Variants in RUNX1T1 observed in about 807,000 individuals in gnomAD.
RUNX1T1 encodes the protein protein CBFA2T1.
RUNX1T1 carries 4 observed loss-of-function variants against 62.8 expected under a neutral mutation model. That is an observed-to-expected ratio of 0.06 (90% confidence interval 0.03 to 0.15). The LOEUF (loss-of-function observed/expected upper bound fraction) is 0.15, where lower values mean the gene tolerates loss of function less well. Among genes scored for constraint, RUNX1T1 ranks in the 10% least tolerant of loss-of-function variants. The pLI is 1.00. For missense variants in RUNX1T1, 508 were observed against 754.3 expected (o/e 0.67, Z 3.82); for synonymous variants, 291 against 286.0 (o/e 1.02, Z -0.18).
At chr8:92,039,144 G>GT (rs71563486) in intron 1 of RUNX1T1, among the ~76,000 whole-genome samples, 33,738 of 137,016 alleles carry the variant, frequency 0.25, 4,320 homozygotes, top group African/African-American at 0.34. Context: ...TTTTGTTGTT[G>GT]TTTTTTTTTT....
At chr8:92,085,531 T>C (rs562916673) in intron 1 of RUNX1T1, among the ~76,000 whole-genome samples, 1 of 152,360 alleles carries the variant, frequency 6.6e-6, no homozygotes, top group Non-Finnish European at 1.5e-5. Flanking sequence ...AAAAGATTGA[T>C]TTCTTTATGC....
At chr8:92,061,462 T>A (rs1832021170) in intron 1 of RUNX1T1, among the ~76,000 whole-genome samples, 1 of 152,220 alleles carries the variant, frequency 6.6e-6, no homozygotes, top group Admixed American at 6.5e-5. Flanking sequence ...TTTTGTAAAT[T>A]GATTTTCCCC....
chr8:91,960,906 C>A (rs1163414583), intron 10 of RUNX1T1, among the ~76,000 whole-genome samples: 1 of 152,208 alleles, frequency 6.6e-6, no homozygotes, highest in Non-Finnish European at 1.5e-5. Context: ...AGAGATATAT[C>A]TGAGCAGAAG....
At chr8:92,066,933 A>C (rs1187978264), upstream of RUNX1T1, among the ~76,000 whole-genome samples, 1 of 152,226 alleles carries the variant, frequency 6.6e-6, no homozygotes, top group African/African-American at 2.4e-5. Context: ...TAAACAACTA[A>C]ACACATTTAC....
At chr8:92,026,936 T>C (rs1825297815) in intron 1 of RUNX1T1, among the ~76,000 whole-genome samples, 1 of 149,250 alleles carries the variant, frequency 6.7e-6, no homozygotes, top group African/African-American at 2.5e-5. Context: ...GCTGACACGG[T>C]GAAACCCTGT....
At chr8:92,081,577 ACTCT>A (rs1835278766) in intron 1 of RUNX1T1, among the ~76,000 whole-genome samples, 1 of 149,262 alleles carries the variant, frequency 6.7e-6, no homozygotes, top group Non-Finnish European at 1.5e-5. Context: ...TCTGGGAAAG[ACTCT>A]CTCTAGGGAA....
intron 5 of RUNX1T1, chr8:92,004,310 T>G (rs1424257622): frequency 1.3e-5 from 2 of 152,250 alleles, no homozygotes; most frequent in Non-Finnish European, 1.5e-5. Flanking sequence ...AAATTCTCCA[T>G]ATTTCAAAAA....
intron 9 of RUNX1T1, among the ~76,000 whole-genome samples, chr8:91,973,837 T>G (rs1813354672): frequency 6.6e-6 from 1 of 152,092 alleles, no homozygotes; most frequent in Admixed American, 6.5e-5. Context: ...ACTTTGTGGA[T>G]TTAATATACT....
chr8:92,090,032 T>G (rs753008370), intron 1 of RUNX1T1, among the ~76,000 whole-genome samples: 8 of 150,034 alleles, frequency 5.3e-5, no homozygotes, highest in Non-Finnish European at 1.0e-4. Context: ...CGTATGAGAG[T>G]TGGGAAGCCT....
At chr8:91,995,405 C>G (rs1304426463) in intron 5 of RUNX1T1, among the ~76,000 whole-genome samples, 1 of 152,112 alleles carries the variant, frequency 6.6e-6, no homozygotes, top group African/African-American at 2.4e-5. Context: ...GTCTTACTGT[C>G]CTATCCTGGG....
chr8:92,044,849 C>T (rs1774180593), intron 1 of RUNX1T1, among the ~76,000 whole-genome samples: 1 of 152,056 alleles, frequency 6.6e-6, no homozygotes, highest in Non-Finnish European at 1.5e-5. Context: ...ACTATATTAC[C>T]CTCCACCTGG....
intron 1 of RUNX1T1, among the ~76,000 whole-genome samples, chr8:92,056,545 G>A (rs565470887): frequency 4.0e-5 from 6 of 150,788 alleles, no homozygotes; most frequent in South Asian, 4.2e-4. Flanking sequence ...CTTTAAAAGC[G>A]AAATGTGGAA....
At chr8:92,030,629 C>T (rs560513855) in intron 1 of RUNX1T1, among the ~76,000 whole-genome samples, 6 of 152,330 alleles carry the variant, frequency 3.9e-5, no homozygotes, top group Admixed American at 6.5e-5. Flanking sequence ...TAAACCACCC[C>T]GGTGAAAAGA....
chr8:91,999,680 A>G (rs941363760), intron 5 of RUNX1T1, among the ~76,000 whole-genome samples: 3 of 152,176 alleles, frequency 2.0e-5, no homozygotes, highest in African/African-American at 7.2e-5. Context: ...AAGAAGTGCT[A>G]TATGTTAGTC....
At chr8:92,019,867 A>C (rs1425262179) in intron 1 of RUNX1T1, among the ~76,000 whole-genome samples, 3 of 152,216 alleles carry the variant, frequency 2.0e-5, no homozygotes, top group African/African-American at 7.2e-5. Flanking sequence ...CCAGAACAGC[A>C]ACATCATCAT....
intron 1 of RUNX1T1, among the ~76,000 whole-genome samples, chr8:92,020,962 T>C (rs1185371844): frequency 1.3e-5 from 2 of 152,126 alleles, no homozygotes; most frequent in Non-Finnish European, 2.9e-5. Context: ...TTTTCCTTGT[T>C]TACATAGCAT....
chr8:92,028,865 TA>T (rs756655067), intron 1 of RUNX1T1, among the ~76,000 whole-genome samples: 2 of 150,602 alleles, frequency 1.3e-5, no homozygotes, highest in South Asian at 2.1e-4. Flanking sequence ...TTCTGGAAAG[TA>T]AAAAAAAACA....
At chr8:92,038,046 C>CTTTATGTATTTATTTA (rs1554632479) in intron 1 of RUNX1T1, among the ~76,000 whole-genome samples, 10 of 149,984 alleles carry the variant, frequency 6.7e-5, no homozygotes, top group African/African-American at 2.2e-4. Context: ...CAAAATTCTT[C>CTTTATGTATTTATTTA]TTTATTTATT....
intron 1 of RUNX1T1, among the ~76,000 whole-genome samples, chr8:92,059,617 G>A (rs930506982): frequency 2.6e-5 from 4 of 152,154 alleles, no homozygotes; most frequent in Admixed American, 1.3e-4. Flanking sequence ...AAAATGGGCC[G>A]GCTGTGAGAG....
Sources: allele counts gnomAD v4.1 joint callset (sites outside exome capture counted in the v4.1 genomes callset), GRCh38; gene constraint gnomAD v4.1.1; transcripts MANE v1.5; gene names NCBI Gene and HGNC (gene_info 2026-07-23, HGNC 2026-07-21).